MEMO1: variants seen among roughly 807,000 people sequenced by gnomAD.
The protein encoded by MEMO1 is mediator of cell motility 1.
A neutral mutation model predicts 45.2 loss-of-function variants in MEMO1; 6 were observed. The ratio of observed to expected loss-of-function variants is 0.13; its 90% CI spans 0.07 to 0.26. The LOEUF (loss-of-function observed/expected upper bound fraction) is 0.26. MEMO1 is among the 10% of genes least tolerant of loss of function. MEMO1 has a pLI of 1.00. For synonymous variants in MEMO1, 78 were observed against 124.3 expected (o/e 0.63, Z 2.48); for missense variants, 184 against 370.5 (o/e 0.50, Z 4.13).
intron 2 of MEMO1, among the ~76,000 whole-genome samples, chr2:31,983,058 GTGA>G (rs1230739814): frequency 1.3e-5 from 2 of 151,644 alleles, no homozygotes; most frequent in East Asian, 1.9e-4. Context: ...CGCCAGCACG[GTGA>G]AACCCCATCT....
At chr2:31,938,970 A>T (rs1372016272) in intron 3 of MEMO1, among the ~76,000 whole-genome samples, 2 of 151,610 alleles carry the variant, frequency 1.3e-5, no homozygotes, top group Non-Finnish European at 2.9e-5. Flanking sequence ...TATTTTTTGT[A>T]GAGGGGGTTT....
At chr2:31,978,962 C>A (rs748338689) in intron 2 of MEMO1, among the ~76,000 whole-genome samples, 2 of 151,718 alleles carry the variant, frequency 1.3e-5, no homozygotes, top group Non-Finnish European at 2.9e-5. Context: ...ATTATCCATC[C>A]CCCCCCAAAA....
chr2:31,885,780 T>C (rs936344559), intron 7 of MEMO1, among the ~76,000 whole-genome samples: 4 of 152,166 alleles, frequency 2.6e-5, no homozygotes, highest in African/African-American at 7.2e-5. Context: ...TGGGACATAA[T>C]CTACTGCTAC....
At chr2:31,964,500 C>T (rs1668381120) in intron 2 of MEMO1, among the ~76,000 whole-genome samples, 1 of 151,646 alleles carries the variant, frequency 6.6e-6, no homozygotes, top group East Asian at 2.0e-4. Flanking sequence ...AGTTCGAGAT[C>T]AGCCTGACCA....
At chr2:31,986,425 T>C (rs962595617) in intron 2 of MEMO1, among the ~76,000 whole-genome samples, 1 of 152,046 alleles carries the variant, frequency 6.6e-6, no homozygotes, top group Non-Finnish European at 1.5e-5. Context: ...TGAGCCGAGG[T>C]TGCGCCACTG....
chr2:31,966,530 A>G (rs1668630309), intron 2 of MEMO1, among the ~76,000 whole-genome samples: 1 of 152,170 alleles, frequency 6.6e-6, no homozygotes. Context: ...CAGGAGTTCA[A>G]GACCATGCTG....
At chr2:31,980,098 C>T (rs7574910) in intron 2 of MEMO1, among the ~76,000 whole-genome samples, 22,154 of 151,522 alleles carry the variant, frequency 0.15, 1,830 homozygotes, top group African/African-American at 0.21. Context: ...AAACTAATGA[C>T]TAAATTATAT....
rs150052621 is a variant in MEMO1, at chr2:31,898,002, T to C, written c.438-5868A>G. 4.1e-3 allele frequency among the ~76,000 whole-genome samples: 624 copies of C among 152,170 alleles called. 4 individuals carry two copies. The highest frequency in any genetic ancestry group is 0.014 in the African/African-American group (591 of 41,560). Reference sequence around the variant, plus strand: ...TTCTAAATTTTCTAGTTTATTTGCATAGAGGTGTTTATAGTATTCCCTGTG... The same window carrying C: ...TTCTAAATTTTCTAGTTTATTTGCACAGAGGTGTTTATAGTATTCCCTGTG... On this transcript the variant is annotated intron_variant, in intron 6 of 9. Coordinates refer to ENST00000404530, the MANE Select transcript of MEMO1 (RefSeq NM_001301833.4).
At chr2:31,954,973 G>A (rs967365281) in intron 2 of MEMO1, among the ~76,000 whole-genome samples, 1 of 152,108 alleles carries the variant, frequency 6.6e-6, no homozygotes, top group South Asian at 2.1e-4. Context: ...GGGCGCAGTG[G>A]CTCATGCATG....
In MEMO1 at chr2:31,969,586, G is replaced by GGTGGGTGTGTGT. The variant is rs1273367737; in HGVS notation, c.62-26204_62-26203insACACACACCCAC. Among the ~76,000 whole-genome samples the GGTGGGTGTGTGT allele has an allele frequency of 4.2e-5, 5 of 119,264 alleles. No individual in the cohort carries two copies. The East Asian group carries it at 7.3e-4, about 17-fold the overall frequency. 78.2% of individuals were successfully genotyped at this position (119,264 alleles called of 152,430 possible). A position where few individuals can be genotyped will look rare whatever the true frequency, so the allele number is the denominator to read the frequency against. ...AATCTTTTCTGGGGGTGTGTGTGTG[G>GGTGGGTGTGTGT]GTGTGTGTGTGTGTGTGTGTGTGTG... On this transcript the variant is annotated intron_variant, in intron 2 of 9. Coordinates refer to ENST00000404530, the MANE Select transcript of MEMO1 (RefSeq NM_001301833.4).
rs942070700 is a variant in MEMO1 at position 31,927,508 on chromosome 2, G to A, written c.212+4559C>T. ...ATCTGTGTGAGGTTTCTTCATATACGTCAACTAAAACAAATGATCAAAACA... is the reference window on the plus strand; with the variant it reads ...ATCTGTGTGAGGTTTCTTCATATACATCAACTAAAACAAATGATCAAAACA... On this transcript the variant is annotated intron_variant, in intron 4 of 9. Coordinates refer to ENST00000404530, the MANE Select transcript of MEMO1 (RefSeq NM_001301833.4). Among the ~76,000 whole-genome samples the A allele has an allele frequency of 7.3e-5, 11 of 151,084 alleles. No homozygotes were observed. The South Asian group carries it at 8.3e-4, about 11-fold the overall frequency.
intron 7 of MEMO1, among the ~76,000 whole-genome samples, chr2:31,891,726 C>G (rs1038424181): frequency 5.3e-5 from 8 of 152,146 alleles, no homozygotes; most frequent in Non-Finnish European, 1.2e-4. Context: ...TTAACTCCCA[C>G]TAAATAAGTG....
intron 6 of MEMO1, among the ~76,000 whole-genome samples, chr2:31,903,377 T>C (rs575714019): frequency 8.5e-6 from 1 of 117,428 alleles, no homozygotes; most frequent in Admixed American, 1.2e-4. Flanking sequence ...TGATTTATTC[T>C]CCTCTCCCCT....
chr2:31,904,008 A>T (rs148271552), intron 6 of MEMO1, among the ~76,000 whole-genome samples: 139 of 152,348 alleles, frequency 9.1e-4, no homozygotes, highest in Non-Finnish European at 1.5e-3. Flanking sequence ...ACAATCAGAA[A>T]GGAAAGTAAA....
chr2:31,954,949 T>C (rs1246490017), intron 2 of MEMO1, among the ~76,000 whole-genome samples: 9 of 151,742 alleles, frequency 5.9e-5, no homozygotes, highest in Admixed American at 5.3e-4. Flanking sequence ...CATTGCACGT[T>C]AAAATGTGAG....
chr2:31,985,886 T>A (rs943762076), intron 2 of MEMO1, among the ~76,000 whole-genome samples: 3 of 152,160 alleles, frequency 2.0e-5, no homozygotes, highest in African/African-American at 7.2e-5. Context: ...CCCAACACTT[T>A]GGGAGGCCAA....
rs140543542 is a variant in MEMO1 at position 31,882,726 on chromosome 2, A to G, written c.657+660T>C. On this transcript the variant is annotated intron_variant, in intron 8 of 9. Coordinates refer to ENST00000404530, the MANE Select transcript of MEMO1 (RefSeq NM_001301833.4). The stretch of plus-strand genomic sequence containing the variant: ...TATATTGGAATTCCTGCACACTGTC[A>G]TCATAAGGCTATGATGTCTTTTATT... Among the ~76,000 whole-genome samples the G allele has an allele frequency of 7.5e-3, 1,148 of 152,262 alleles. 14 individuals are homozygous for G. The highest frequency in any genetic ancestry group is 0.024 in the African/African-American group (979 of 41,536).
At chr2:31,972,662 G>C (rs1461346776) in intron 2 of MEMO1, among the ~76,000 whole-genome samples, 2 of 152,114 alleles carry the variant, frequency 1.3e-5, no homozygotes, top group Admixed American at 6.6e-5. Context: ...AGTGAGCCAA[G>C]ATCGTGCTAC....
At chr2:31,886,585 T>C (rs1390374107) in intron 7 of MEMO1, among the ~76,000 whole-genome samples, 2 of 152,116 alleles carry the variant, frequency 1.3e-5, no homozygotes, top group Admixed American at 1.3e-4. Context: ...TAACTAAAAA[T>C]GTATTATTGA....
Sources: gnomAD v4.1 joint callset for allele counts (sites outside exome capture counted in the v4.1 genomes callset) on GRCh38, gnomAD v4.1.1 for gene constraint, MANE v1.5 for transcripts, NCBI Gene and HGNC (gene_info 2026-07-23, HGNC 2026-07-21) for gene names.